The following POLR3K variants were observed in gnomAD, a reference collection of about 807,000 sequenced individuals.
POLR3K encodes DNA-directed RNA polymerase III subunit RPC10.
POLR3K carries 11 observed loss-of-function variants against 13.5 expected under a neutral mutation model. The ratio of observed to expected loss-of-function variants is 0.81; its 90% confidence interval spans 0.51 to 1.35. The LOEUF (loss-of-function observed/expected upper bound fraction) is 1.35. POLR3K is among the 40% of genes most tolerant of loss of function. POLR3K has a pLI of 0.00. For synonymous variants in POLR3K, 56 were observed against 51.5 expected (o/e 1.09, Z -0.38); for missense variants, 144 against 145.3 (o/e 0.99, Z 0.05).
chr16:47,478 G>A lies in POLR3K; in HGVS notation c.279C>T (p.Thr93=), dbSNP rs202123659. The A allele has an allele frequency of 6.2e-7, 1 of 1,613,792 alleles. No homozygotes were observed. Among genetic ancestry groups the A allele is most frequent in the Non-Finnish European group, 8.5e-7 (1 of 1,179,788 alleles). The change falls in exon 3 of 3, where the codon ACC becomes ACT. Residue 93 remains threonine, a synonymous_variant. Transcript: ENST00000293860. ...QTRSADEPMT[T]FYKCCNAQCG... is the part of the protein sequence containing the mutation. ...ACTGAGCATTGCAGCACTTGTAGAAGGTGGTCATCGGCTCATCTGCAGAGC... is the reference window on the plus strand; with the variant it reads ...ACTGAGCATTGCAGCACTTGTAGAAAGTGGTCATCGGCTCATCTGCAGAGC...
At position 53,590 on chromosome 16, in the gene POLR3K, C is replaced by T; in HGVS notation, c.-4G>A. The T allele has an allele frequency of 1.2e-6, 2 of 1,608,478 alleles. No individual in the cohort carries two copies. The highest frequency in any genetic ancestry group is 1.7e-6 in the Non-Finnish European group (2 of 1,177,682). ...AGCCGGGGCAGAACAGCAGCATGGT[C>T]TCGAACTCCGCAGGCTCCAACTCCC... On this transcript the variant is annotated 5_prime_UTR_variant, in exon 1 of 3. Coordinates refer to ENST00000293860, the MANE Select transcript of POLR3K (RefSeq NM_016310.5).
intron 2 of POLR3K, among the ~76,000 whole-genome samples, chr16:48,461 G>A (rs1044178168): frequency 2.0e-5 from 3 of 152,172 alleles, no homozygotes; most frequent in African/African-American, 7.2e-5. Flanking sequence ...CTAAGTAATG[G>A]TTAGATGGTG....
At position 52,538 on chromosome 16, in the gene POLR3K, G is replaced by A. The variant is rs187766704; in HGVS notation, c.112-893C>T. Among the ~76,000 whole-genome samples, 508 of 150,356 alleles carry A rather than the reference G, an allele frequency of 3.4e-3. 2 individuals are homozygous for A. The highest frequency in any genetic ancestry group is 0.012 in the African/African-American group (484 of 40,964). ...TAATCCCAGCACTTTGGGAGGCCGA[G>A]GCGGGCAGATCACGAGGTCAGGAGA... On this transcript the variant is annotated intron_variant, in intron 1 of 2. Transcript: ENST00000293860.
intron 1 of POLR3K, 195 bp downstream of exon 1, chr16:53,281 C>T (rs1370582748): frequency 8.7e-7 from 1 of 1,146,096 alleles, no homozygotes; most frequent in African/African-American, 1.6e-5. Flanking sequence ...AGCAGGAACC[C>T]AAGGCGGTGG....
chr16:51,646 CT>C lies in POLR3K; in HGVS notation c.112-2del. 1 of 1,612,634 alleles carries C rather than the reference CT, an allele frequency of 6.2e-7. No homozygotes were observed. The highest frequency in any genetic ancestry group is 8.5e-7 in the Non-Finnish European group (1 of 1,178,668). On this transcript the variant is annotated splice_acceptor_variant, in intron 1 of 2. Coordinates refer to ENST00000293860, the MANE Select transcript of POLR3K (RefSeq NM_016310.5). LOFTEE classifies it high-confidence loss of function. ...GTTTTGGGTACTTCCGATTTGTTAC[CT>C]AACAAAAACAACACTTCAGACTCCA... is the stretch of plus-strand genomic sequence containing the variant.
At chr16:50,407 A>G (rs902726159) in intron 2 of POLR3K, among the ~76,000 whole-genome samples, 2 of 152,194 alleles carry the variant, frequency 1.3e-5, no homozygotes, top group African/African-American at 4.8e-5. Context: ...ATTTTACCCA[A>G]TCTGCAGTTT....
chr16:51,746 C>T (rs532934693), intron 1 of POLR3K, 101 bp from the exon 2 acceptor site: 9 of 957,438 alleles, frequency 9.4e-6, no homozygotes, highest in South Asian at 2.9e-5. Context: ...CTCGGCTGGG[C>T]GTGGTGGCTG....
chr16:48,538 G>A (rs904745282), intron 2 of POLR3K, among the ~76,000 whole-genome samples: 2 of 152,150 alleles, frequency 1.3e-5, no homozygotes, highest in Non-Finnish European at 2.9e-5. Context: ...AGGGCCGGGC[G>A]CGGTGGCTCA....
intron 2 of POLR3K, among the ~76,000 whole-genome samples, chr16:50,751 G>C (rs1220779378): frequency 6.6e-6 from 1 of 152,168 alleles, no homozygotes; most frequent in African/African-American, 2.4e-5. Context: ...TGGAACTCCT[G>C]ACCTCAAGTG....
At chr16:53,317 T>C in intron 1 of POLR3K, 159 bp downstream of exon 1, 2 of 1,340,404 alleles carry the variant, frequency 1.5e-6, no homozygotes, top group South Asian at 1.6e-5. Flanking sequence ...TCTGAGTGTA[T>C]TGGAAAGTAG....
chr16:51,510 C>A, intron 2 of POLR3K, 48 bp downstream of exon 2: 1 of 1,478,272 alleles, frequency 6.8e-7, no homozygotes, highest in Non-Finnish European at 9.5e-7. Context: ...GCATCAACAG[C>A]CTCATAATTA....
At position 46,727 on chromosome 16, in the gene POLR3K, T is replaced by C. The variant is rs1448019305; in HGVS notation, c.*703A>G. The C allele has an allele frequency of 9.1e-6, 1 of 110,452 alleles. No individual in the cohort carries two copies. The highest frequency in any genetic ancestry group is 2.4e-4 in the East Asian group (1 of 4,236). 6.8% of individuals were successfully genotyped at this position (110,452 alleles called of 1,614,324 possible). On this transcript the variant is annotated 3_prime_UTR_variant, in exon 3 of 3. Transcript: ENST00000293860. ...CGACAGAACAAGACTCTGTCTTAAA[T>C]AAATAAATAAATAAATAAAATAAAT...
Position 53,347 on chromosome 16 carries a change from G to C in POLR3K, c.111+129C>G. The C allele has an allele frequency of 3.5e-6, 5 of 1,433,256 alleles. No individual in the cohort carries two copies. In the South Asian group the frequency reaches 5.8e-5, roughly 17 times the overall value. The allele number at this position is 1,433,256 out of a possible 1,614,324, so 88.8% of individuals were successfully genotyped here. On this transcript the variant is annotated intron_variant, in intron 1 of 2. Coordinates refer to ENST00000293860, the MANE Select transcript of POLR3K (RefSeq NM_016310.5). ...AAGTAGAGCCCACAGATCTGCTGCA[G>C]ACCAGAAAGGGGCGCGAGAAAGAGC...
intron 1 of POLR3K, among the ~76,000 whole-genome samples, chr16:52,627 G>T (rs551773279): frequency 1.3e-5 from 2 of 150,572 alleles, no homozygotes; most frequent in Non-Finnish European, 3.0e-5. Flanking sequence ...TCAGCCAGGG[G>T]TGGTGGCGGA....
chr16:52,559 G>T (rs1346307184), intron 1 of POLR3K, among the ~76,000 whole-genome samples: 1 of 150,350 alleles, frequency 6.7e-6, no homozygotes, highest in African/African-American at 2.4e-5. Context: ...CACGAGGTCA[G>T]GAGACCGTCC....
intron 2 of POLR3K, among the ~76,000 whole-genome samples, chr16:51,280 T>C (rs1897328546): frequency 1.3e-5 from 2 of 151,450 alleles, no homozygotes; most frequent in African/African-American, 4.8e-5. Context: ...GAATATGGAT[T>C]AGCCCCAGAG....
At chr16:51,681 A>G in intron 1 of POLR3K, 36 bp from the exon 2 acceptor site, 1 of 1,557,572 alleles carries the variant, frequency 6.4e-7, no homozygotes, top group Non-Finnish European at 8.9e-7. Context: ...CAAGTAACTG[A>G]ATAGCGCAAA....
intron 2 of POLR3K, among the ~76,000 whole-genome samples, chr16:47,892 C>CTT (rs747985712): frequency 0.19 from 18,619 of 99,732 alleles, 2,986 homozygotes; most frequent in Middle Eastern, 0.42. Flanking sequence ...ACTATAATAT[C>CTT]TTTTTTTTTT....
intron 2 of POLR3K, among the ~76,000 whole-genome samples, chr16:48,688 G>A (rs1897304908): frequency 6.6e-6 from 1 of 151,782 alleles, no homozygotes; most frequent in African/African-American, 2.4e-5. Flanking sequence ...TCGGGTGCCT[G>A]CAGTCCCAGC....
Sources: allele counts gnomAD v4.1 joint callset (sites outside exome capture counted in the v4.1 genomes callset), GRCh38; gene constraint gnomAD v4.1.1; transcripts MANE v1.5; gene names NCBI Gene and HGNC (gene_info 2026-07-23, HGNC 2026-07-21).